Variants in G6PC3 observed in about 807,000 individuals in gnomAD.
G6PC3 encodes glucose-6-phosphatase catalytic subunit 3.
Under a neutral mutation model 38.6 loss-of-function variants are expected in G6PC3, and 30 were observed. The ratio of observed to expected loss-of-function variants is 0.78; its 90% CI spans 0.58 to 1.05. The LOEUF (loss-of-function observed/expected upper bound fraction) is 1.05, where lower values mean the gene tolerates loss of function less well. Ranked by LOEUF, G6PC3 falls within the 50% of genes least tolerant of loss-of-function variation. The pLI is 0.00. For missense variants in G6PC3, 377 were observed against 443.1 expected, an observed-to-expected ratio of 0.85 and a Z score of 1.34; for synonymous variants, 192 against 178.1, an observed-to-expected ratio of 1.08 and a Z score of -0.62.
Position 44,071,046 on chromosome 17 carries a change from C to T in G6PC3, c.81C>T (p.Leu27=), listed in dbSNP as rs1324312988. The change falls in exon 1 of 6, where the codon CTC becomes CTT. Residue 27 remains leucine, a synonymous_variant. Transcript: ENST00000269097. ...NQLAWLENVW[L]WITFLGDPKI... is the part of the protein sequence containing the mutation. Reference sequence around the variant, plus strand: ...TAGCCTGGCTGGAGAACGTGTGGCTCTGGATCACCTTTCTGGGCGATCCCA... The same window carrying T: ...TAGCCTGGCTGGAGAACGTGTGGCTTTGGATCACCTTTCTGGGCGATCCCA... 6.2e-7 allele frequency: 1 copy of T among 1,603,230 alleles called. No individual in the cohort carries two copies. The highest frequency in any genetic ancestry group is 8.5e-7 in the Non-Finnish European group (1 of 1,174,544).
chr17:44,071,205 G>C (rs765390045), intron 1 of G6PC3, 22 bp downstream of exon 1: 1 of 1,607,780 alleles, frequency 6.2e-7, no homozygotes, highest in South Asian at 1.1e-5. Context: ...AAGCCCTCCG[G>C]CATCCTGGTC....
rs1326588499 is a variant in G6PC3 at position 44,071,052 on chromosome 17, C to A, written c.87C>A (p.Ile29=). The part of the protein sequence containing the change: ...LAWLENVWLW[I]TFLGDPKILF... ...GGCTGGAGAACGTGTGGCTCTGGATCACCTTTCTGGGCGATCCCAAGATCC... is the reference window on the plus strand; with the variant it reads ...GGCTGGAGAACGTGTGGCTCTGGATAACCTTTCTGGGCGATCCCAAGATCC... Residue 29 remains isoleucine, a synonymous_variant, in exon 1 of 6, where the codon ATC becomes ATA. Transcript: ENST00000269097. 2 of 1,606,592 alleles carry A rather than the reference C, an allele frequency of 1.2e-6. No homozygotes were observed. The highest frequency in any genetic ancestry group is 1.1e-5 in the South Asian group (1 of 89,666).
chr17:44,074,466 T>A (rs1325170979), intron 2 of G6PC3, among the ~76,000 whole-genome samples, 200 bp downstream of exon 2: 1 of 152,140 alleles, frequency 6.6e-6, no homozygotes, highest in Non-Finnish European at 1.5e-5. Flanking sequence ...CCACCTTGTA[T>A]AGAGGACAGC....
chr17:44,073,925 A>G, intron 1 of G6PC3: 1 of 519,670 alleles, frequency 1.9e-6, no homozygotes, highest in Non-Finnish European at 3.5e-6. Context: ...GTGTTTCCAC[A>G]GGCTGAGGGT....
In G6PC3 at chr17:44,071,089, T is replaced by A. The variant is rs780890221; in HGVS notation, c.124T>A (p.Tyr42Asn). 5 of 1,613,592 alleles carry A rather than the reference T, an allele frequency of 3.1e-6. No homozygotes were observed. In the Admixed American group the frequency reaches 8.3e-5, roughly 27 times the overall value. The change falls in exon 1 of 6, where the codon TAC (tyrosine) becomes AAC (asparagine). Residue 42 changes from tyrosine to asparagine, a missense_variant. Tyr to Asn is a moderately radical substitution (Grantham distance 143, BLOSUM62 -2). Coordinates refer to ENST00000269097, the MANE Select transcript of G6PC3 (RefSeq NM_138387.4). ...CGATCCCAAGATCCTCTTTCTGTTC[T>A]ACTTCCCCGCGGCCTACTACGCCTC... ...LGDPKILFLF[Y>N]FPAAYYASRR...
rs1484967961 is a variant in G6PC3 at position 44,071,158 on chromosome 17, G to C, written c.193G>C (p.Glu65Gln). 6.2e-7 allele frequency: 1 copy of C among 1,613,734 alleles called. No individual in the cohort carries two copies. Among genetic ancestry groups the C allele is most frequent in the Non-Finnish European group, 8.5e-7 (1 of 1,179,960 alleles). Reference protein sequence around the residue: ...IAVLWISLITEWLNLIFKWFL... With the variant: ...IAVLWISLITQWLNLIFKWFL... ...GGTGCTCTGGATCAGCCTCATCACC[G>C]AGTGGCTCAACCTCATCTTCAAGTG... is the stretch of plus-strand genomic sequence containing the variant. Residue 65 changes from glutamate (E) to glutamine (Q), a missense_variant, in exon 1 of 6, where the codon GAG (glutamate) becomes CAG (glutamine). Coordinates refer to ENST00000269097, the MANE Select transcript of G6PC3 (RefSeq NM_138387.4).
intron 1 of G6PC3, 152 bp downstream of exon 1, chr17:44,071,335 C>G: frequency 7.7e-7 from 1 of 1,300,702 alleles, no homozygotes; most frequent in East Asian, 2.5e-5. Context: ...CATCTTTGTG[C>G]AGCTTGGACT....
intron 1 of G6PC3, 105 bp downstream of exon 1, chr17:44,071,288 C>T: frequency 6.5e-7 from 1 of 1,526,982 alleles, no homozygotes; most frequent in South Asian, 1.2e-5. Flanking sequence ...GCCTTCCCAC[C>T]CCTACTCTGT....
chr17:44,074,477 C>G (rs150764911), intron 2 of G6PC3, among the ~76,000 whole-genome samples: 2 of 152,242 alleles, frequency 1.3e-5, no homozygotes, highest in East Asian at 1.9e-4. Context: ...AGAGGACAGC[C>G]AAGAGACACA....
rs1158728815 is a variant in G6PC3 at position 44,075,742 on chromosome 17, C to T, written c.740C>T (p.Pro247Leu). The change falls in exon 6 of 6, where the codon CCC (proline) becomes CTC (leucine). Residue 247 changes from proline to leucine, a missense_variant. Pro to Leu is a moderately conservative substitution (Grantham distance 98). Coordinates refer to ENST00000269097, the MANE Select transcript of G6PC3 (RefSeq NM_138387.4). ...GAGTGGATACACGTGGATAGCCGGC[C>T]CTTTGCCTCCCTGAGCCGTGACTCA... ...RPEWIHVDSR[P>L]FASLSRDSGA... The T allele has an allele frequency of 6.2e-7, 1 of 1,612,680 alleles. No individual in the cohort carries two copies. Among genetic ancestry groups the T allele is most frequent in the African/African-American group, 1.3e-5 (1 of 74,926 alleles).
chr17:44,071,537 T>A, intron 1 of G6PC3: 1 of 686,616 alleles, frequency 1.5e-6, no homozygotes, highest in Admixed American at 3.8e-5. Flanking sequence ...AATTCATATT[T>A]TAACAAATAT....
In G6PC3 at chr17:44,076,125, C is replaced by T. The variant is rs1286073419; in HGVS notation, c.*82C>T. On this transcript the variant is annotated 3_prime_UTR_variant, in exon 6 of 6. Transcript: ENST00000269097. ...CACACTCCAGGAGGCAGCCCCATCC[C>T]CTTCCAGCCCCTAAGTAGGCCCTCC... 1 of 1,567,910 alleles carries T rather than the reference C, an allele frequency of 6.4e-7. No individual in the cohort carries two copies. Among genetic ancestry groups the T allele is most frequent in the South Asian group, 1.1e-5 (1 of 89,700 alleles).
chr17:44,074,041 G>A (rs192901710), intron 1 of G6PC3, 119 bp from the exon 2 acceptor site: 5 of 783,138 alleles, frequency 6.4e-6, no homozygotes, highest in African/African-American at 3.4e-5. Flanking sequence ...GGACAGAATC[G>A]TAGTCCCTTT....
At chr17:44,071,217 C>A in intron 1 of G6PC3, 34 bp downstream of exon 1, 1 of 1,601,742 alleles carries the variant, frequency 6.2e-7, no homozygotes, top group East Asian at 2.2e-5. Context: ...ATCCTGGTCC[C>A]CACCCCCGAG....
rs1200305553 is a variant in G6PC3 at position 44,076,058 on chromosome 17, C to A, written c.*15C>A. On this transcript the variant is annotated 3_prime_UTR_variant, in exon 6 of 6. Transcript: ENST00000269097. ...ACTCTTCCTGACTTCTTGTGTGCCT[C>A]CCTTTCCTTTCCCTCCCACAAAGCC... 2 of 1,611,794 alleles carry A rather than the reference C, an allele frequency of 1.2e-6. No homozygotes were observed. The highest frequency in any genetic ancestry group is 1.3e-5 in the African/African-American group (1 of 75,056).
intron 1 of G6PC3, 69 bp downstream of exon 1, chr17:44,071,252 G>A: frequency 6.4e-7 from 1 of 1,566,526 alleles, no homozygotes; most frequent in Non-Finnish European, 8.6e-7. Context: ...TGTAAGCCCT[G>A]GTCTCTTTCA....
intron 5 of G6PC3, 104 bp from the exon 6 acceptor site, chr17:44,075,576 A>T: frequency 6.2e-7 from 1 of 1,600,108 alleles, no homozygotes; most frequent in Non-Finnish European, 8.5e-7. Flanking sequence ...AGACCCTCAC[A>T]GGCACAAAAC....
Position 44,074,263 on chromosome 17 carries a change from C to T in G6PC3, c.322C>T (p.Pro108Ser). The stretch of plus-strand genomic sequence containing the variant: ...GTTCCCCTCTTCTTGTGAGACTGGT[C>T]CAGGTGGGAAGCCTCAAACATTCTC... ...HQFPSSCETGPGSPSGHCMIT... is the reference protein window; with the variant it reads ...HQFPSSCETGSGSPSGHCMIT... Residue 108 changes from proline (P) to serine (S), a missense_variant, in exon 2 of 6, where the codon CCA becomes TCA. By Grantham distance (74) the Pro-to-Ser change is moderately conservative. Transcript: ENST00000269097. 6.2e-7 allele frequency: 1 copy of T among 1,605,448 alleles called. No homozygotes were observed. Among genetic ancestry groups the T allele is most frequent in the Non-Finnish European group, 8.5e-7 (1 of 1,172,130 alleles).
At chr17:44,074,078 A>G in intron 1 of G6PC3, 82 bp from the exon 2 acceptor site, 1 of 919,952 alleles carries the variant, frequency 1.1e-6, no homozygotes, top group Non-Finnish European at 1.8e-6. Flanking sequence ...GGCCCTCCAG[A>G]GTACTCTGTG....
Sources: gnomAD v4.1 joint callset for allele counts (sites outside exome capture counted in the v4.1 genomes callset) on GRCh38, gnomAD v4.1.1 for gene constraint, MANE v1.5 for transcripts, NCBI Gene and HGNC (gene_info 2026-07-23, HGNC 2026-07-21) for gene names.